Variants in EYA4 observed in about 807,000 individuals in gnomAD.
EYA4 encodes protein phosphatase EYA4.
A neutral mutation model predicts 87.9 loss-of-function variants in EYA4; 31 were observed. The ratio of observed to expected loss-of-function variants is 0.35; its 90% CI spans 0.27 to 0.48. The LOEUF (loss-of-function observed/expected upper bound fraction) is 0.48, where lower values mean the gene tolerates loss of function less well. Ranked by LOEUF, EYA4 falls within the 20% of genes least tolerant of loss-of-function variation. The pLI is 0.99. For missense variants in EYA4, 678 were observed against 761.4 expected, an observed-to-expected ratio of 0.89 and a Z score of 1.29; for synonymous variants, 263 against 270.6, an observed-to-expected ratio of 0.97 and a Z score of 0.28.
intron 2 of EYA4, among the ~76,000 whole-genome samples, chr6:133,368,380 A>G (rs1282555676): frequency 6.6e-6 from 1 of 152,178 alleles, no homozygotes; most frequent in Non-Finnish European, 1.5e-5. Context: ...GGCAAGGTTC[A>G]CTGGGCCTCT....
chr6:133,333,685 A>G (rs530462378), intron 2 of EYA4, among the ~76,000 whole-genome samples: 1 of 152,350 alleles, frequency 6.6e-6, no homozygotes, highest in African/African-American at 2.4e-5. Context: ...CTAACACCAA[A>G]GAATCCCTGG....
At chr6:133,406,288 G>T (rs963995742) in intron 3 of EYA4, among the ~76,000 whole-genome samples, 2 of 152,154 alleles carry the variant, frequency 1.3e-5, no homozygotes, top group Non-Finnish European at 1.5e-5. Context: ...GACACGAGAT[G>T]AGCTCTCATA....
At chr6:133,255,220 A>AT (rs1351491541) in intron 1 of EYA4, among the ~76,000 whole-genome samples, 1 of 152,200 alleles carries the variant, frequency 6.6e-6, no homozygotes, top group Non-Finnish European at 1.5e-5. Flanking sequence ...CAGAGAAGGA[A>AT]ATTCATGCTG....
At chr6:133,432,016 C>T (rs1791230306) in intron 3 of EYA4, among the ~76,000 whole-genome samples, 1 of 151,668 alleles carries the variant, frequency 6.6e-6, no homozygotes, top group Non-Finnish European at 1.5e-5. Flanking sequence ...CCACCCCCGC[C>T]CCCAGCATTT....
At chr6:133,316,917 C>T (rs1481461088) in intron 2 of EYA4, among the ~76,000 whole-genome samples, 4 of 152,172 alleles carry the variant, frequency 2.6e-5, no homozygotes, top group African/African-American at 9.7e-5. Flanking sequence ...CTTCCTTTGG[C>T]CTGCATAGAA....
chr6:133,276,669 G>GCTGAGATTT (rs1300792466), intron 2 of EYA4, among the ~76,000 whole-genome samples: 108 of 152,222 alleles, frequency 7.1e-4, no homozygotes, highest in African/African-American at 2.5e-3. Flanking sequence ...CTCTCAGCTT[G>GCTGAGATTT]AACCCATTTG....
intron 14 of EYA4, chr6:133,511,659 G>GCA (rs1799146740): frequency 2.0e-5 from 3 of 152,136 alleles, no homozygotes; most frequent in African/African-American, 7.2e-5. Context: ...TTTGTTCTGA[G>GCA]CACACAGTAA....
intron 10 of EYA4, among the ~76,000 whole-genome samples, chr6:133,465,289 A>G (rs1794748911): frequency 6.6e-6 from 1 of 152,200 alleles, no homozygotes; most frequent in African/African-American, 2.4e-5. Context: ...AGTCCTAAAA[A>G]GTGTCCTTTG....
chr6:133,350,295 A>G (rs1398124630), intron 2 of EYA4, among the ~76,000 whole-genome samples: 1 of 152,150 alleles, frequency 6.6e-6, no homozygotes, highest in East Asian at 1.9e-4. Flanking sequence ...GAGGGGAGAG[A>G]AAGGTGACAG....
rs558425541 is a variant in EYA4 at position 133,518,728 on chromosome 6, T to C, written c.1616+3293T>C. On this transcript the variant is annotated intron_variant, in intron 17 of 19. Coordinates refer to ENST00000355286, the MANE Select transcript of EYA4 (RefSeq NM_004100.5). ...ATCCCACACCACACCTATTCCAAAA[T>C]TGACCACATACTTGGAAGTAAAGCT... 1.7e-4 allele frequency among the ~76,000 whole-genome samples: 26 copies of C among 152,250 alleles called. No homozygotes were observed. The East Asian group carries it at 2.3e-3, about 14-fold the overall frequency.
In EYA4 at chr6:133,256,133, C is replaced by T. The variant is rs188748125; in HGVS notation, c.-66+14384C>T. 2.8e-4 allele frequency among the ~76,000 whole-genome samples: 43 copies of T among 151,364 alleles called. 1 individual carries two copies. Among genetic ancestry groups the T allele is most frequent in the African/African-American group, 1.0e-3 (42 of 41,234 alleles). ...GGTTATAGTAGTAAATTCCTTGAAA[C>T]TCATATAGTAATCGGAATACTCCAC... On this transcript the variant is annotated intron_variant, in intron 1 of 19. Coordinates refer to ENST00000355286, the MANE Select transcript of EYA4 (RefSeq NM_004100.5).
In EYA4 at chr6:133,246,431, G is replaced by A. The variant is rs138011864; in HGVS notation, c.-66+4682G>A. 7.6e-3 allele frequency among the ~76,000 whole-genome samples: 1,150 copies of A among 151,262 alleles called. 13 individuals carry two copies. Among genetic ancestry groups the A allele is most frequent in the African/African-American group, 0.027 (1,112 of 41,314 alleles). ...AGGAGAAAGACCTATATGTTCTATC[G>A]TGTTAGAATTTTTTAGTTTTTTTTT... is the stretch of plus-strand genomic sequence containing the variant. On this transcript the variant is annotated intron_variant, in intron 1 of 19. Coordinates refer to ENST00000355286, the MANE Select transcript of EYA4 (RefSeq NM_004100.5).
intron 2 of EYA4, among the ~76,000 whole-genome samples, chr6:133,319,721 TC>T (rs1582944508): frequency 2.7e-5 from 3 of 113,126 alleles, no homozygotes; most frequent in East Asian, 4.4e-4. Context: ...TTTCTTTTCT[TC>T]TTTTTTTTTT....
intron 3 of EYA4, among the ~76,000 whole-genome samples, chr6:133,417,615 C>T (rs1014528225): frequency 5.3e-5 from 8 of 151,912 alleles, no homozygotes; most frequent in African/African-American, 1.7e-4. Flanking sequence ...CACACACAAC[C>T]CTCATACATA....
rs562289862 is a variant in EYA4 at position 133,282,571 on chromosome 6, A to G, written c.33+7758A>G. ...TTTTTTCTCAAATCTTAGAATATAT[A>G]TGACACATATGTGTGTGTATATATA... On this transcript the variant is annotated intron_variant, in intron 2 of 19. Coordinates refer to ENST00000355286, the MANE Select transcript of EYA4 (RefSeq NM_004100.5). Among the ~76,000 whole-genome samples, 3 of 139,734 alleles carry G rather than the reference A, an allele frequency of 2.1e-5. No individual in the cohort carries two copies. The East Asian group carries it at 6.3e-4, about 29-fold the overall frequency. 91.7% of individuals were successfully genotyped at this position (139,734 alleles called of 152,430 possible).
chr6:133,522,241 T>C (rs1263453137), intron 17 of EYA4, among the ~76,000 whole-genome samples: 1 of 118,478 alleles, frequency 8.4e-6, no homozygotes, highest in Non-Finnish European at 1.8e-5. Flanking sequence ...GTTACATATG[T>C]ATACGTGTGC....
Position 133,462,765 on chromosome 6 carries a change from G to A in EYA4, c.724+1G>A, listed in dbSNP as rs980942860. 1.2e-6 allele frequency: 2 copies of A among 1,613,644 alleles called. No homozygotes were observed. The highest frequency in any genetic ancestry group is 1.7e-6 in the Non-Finnish European group (2 of 1,179,686). Reference sequence around the variant, plus strand: ...ACACCTTATTCTTACCAAATGCCAGGTAAGTAGCTACACATGAAACATGTT... The same window carrying A: ...ACACCTTATTCTTACCAAATGCCAGATAAGTAGCTACACATGAAACATGTT... On this transcript the variant is annotated splice_donor_variant, in intron 9 of 19. Coordinates refer to ENST00000355286, the MANE Select transcript of EYA4 (RefSeq NM_004100.5). LOFTEE classifies it high-confidence loss of function.
chr6:133,529,536 A>C lies in EYA4; in HGVS notation c.*731A>C, dbSNP rs1472618646. ...CTGTAGATAATGAAAAAAAACAAAA[A>C]AAAAAACCTTTGTGATGATTCTTAA... On this transcript the variant is annotated 3_prime_UTR_variant, in exon 20 of 20. Coordinates refer to ENST00000355286, the MANE Select transcript of EYA4 (RefSeq NM_004100.5). 6.1e-6 allele frequency: 6 copies of C among 984,712 alleles called. No homozygotes were observed. The highest frequency in any genetic ancestry group is 7.2e-6 in the Non-Finnish European group (6 of 829,054). 61.0% of individuals were successfully genotyped at this position (984,712 alleles called of 1,614,324 possible). A position where few individuals can be genotyped will look rare whatever the true frequency, so the allele number is the denominator to read the frequency against.
At chr6:133,421,792 A>G (rs1790242645) in intron 3 of EYA4, among the ~76,000 whole-genome samples, 1 of 152,170 alleles carries the variant, frequency 6.6e-6, no homozygotes, top group Non-Finnish European at 1.5e-5. Context: ...CTTAATCAGG[A>G]CAGAGTTATG....
Sources: gnomAD v4.1 joint callset for allele counts (sites outside exome capture counted in the v4.1 genomes callset) on GRCh38, gnomAD v4.1.1 for gene constraint, MANE v1.5 for transcripts, NCBI Gene and HGNC (gene_info 2026-07-23, HGNC 2026-07-21) for gene names.